MBP: variants seen among roughly 807,000 people sequenced by gnomAD.
MBP encodes myelin basic protein.
Under a neutral mutation model 35.8 loss-of-function variants are expected in MBP, and 16 were observed. That is an observed-to-expected ratio of 0.45 (90% CI 0.30 to 0.68). The LOEUF (loss-of-function observed/expected upper bound fraction) is 0.68, where lower values mean the gene tolerates loss of function less well. MBP is among the 30% of genes least tolerant of loss of function. MBP has a pLI of 0.08. For synonymous variants in MBP, 143 were observed against 159.6 expected, an observed-to-expected ratio of 0.90 and a Z score of 0.78; for missense variants, 380 against 404.7, an observed-to-expected ratio of 0.94 and a Z score of 0.52.
At chr18:77,043,280 G>A (rs470190) in intron 3 of MBP, among the ~76,000 whole-genome samples, 65,038 of 151,976 alleles carry the variant, frequency 0.43, 14,860 homozygotes, top group African/African-American at 0.59. Context: ...GAATAAGTTG[G>A]TAATTAAAAA....
intron 3 of MBP, among the ~76,000 whole-genome samples, chr18:77,064,866 T>C (rs1974129681): frequency 1.3e-5 from 2 of 152,216 alleles, no homozygotes; most frequent in African/African-American, 2.4e-5. Context: ...TCCTTCGACC[T>C]ATAGTGAGTT....
At chr18:77,011,387 T>C (rs1009307831) in intron 4 of MBP, among the ~76,000 whole-genome samples, 6 of 152,182 alleles carry the variant, frequency 3.9e-5, no homozygotes, top group African/African-American at 1.4e-4. Flanking sequence ...CGAAGAACTT[T>C]CCATTAATTT....
At chr18:77,009,861 G>T (rs868271128) in intron 4 of MBP, 1 of 1,590,128 alleles carries the variant, frequency 6.3e-7, no homozygotes, top group African/African-American at 1.3e-5. Context: ...TGTACATGTT[G>T]CACAGCCCAG....
rs974473886 is a variant in MBP, at chr18:77,117,030, T to C, written c.-25-11744A>G. ...GACCTGGTCTTTGGTTTCTTGATAC[T>C]TGAAGTCCTGGATTTCTTACGGAAA... On this transcript the variant is annotated intron_variant, in intron 1 of 8. Transcript: ENST00000355994. 6.6e-5 allele frequency among the ~76,000 whole-genome samples: 10 copies of C among 152,326 alleles called. 1 individual carries two copies. Among genetic ancestry groups the C allele is most frequent in the African/African-American group, 2.4e-4 (10 of 41,570 alleles).
In MBP at chr18:76,988,451, C is replaced by T. The variant is rs1969694484; in HGVS notation, c.750+44G>A. On this transcript the variant is annotated intron_variant, in intron 7 of 8. Transcript: ENST00000355994. The surrounding 1 kb of genome is among the most constrained non-coding windows in gnomAD (Gnocchi z 5.2). The stretch of plus-strand genomic sequence containing the variant: ...CACAAAAGTTGCGGGGCTGTGAGGA[C>T]TGGGACGGAAGAGGAAGCCGATGGA... The T allele has an allele frequency of 6.2e-7, 1 of 1,614,190 alleles. No homozygotes were observed. The highest frequency in any genetic ancestry group is 2.2e-5 in the East Asian group (1 of 44,888).
At chr18:76,995,364 G>A (rs1282376428) in intron 4 of MBP, among the ~76,000 whole-genome samples, 4 of 152,236 alleles carry the variant, frequency 2.6e-5, no homozygotes, top group South Asian at 2.1e-4. Context: ...GAAATCCGAG[G>A]GAGCAAAAAT....
At chr18:77,091,238 A>G (rs1008136093) in intron 2 of MBP, among the ~76,000 whole-genome samples, 1 of 152,166 alleles carries the variant, frequency 6.6e-6, no homozygotes, top group African/African-American at 2.4e-5. Context: ...AATTAGTATA[A>G]TTACAAAATT....
intron 4 of MBP, among the ~76,000 whole-genome samples, chr18:77,008,787 C>T (rs974681542): frequency 3.9e-5 from 6 of 152,234 alleles, no homozygotes; most frequent in African/African-American, 1.4e-4. Context: ...CCCTGGACAG[C>T]CAGGCACTAG....
chr18:77,012,996 G>A (rs1568288291), intron 4 of MBP: 5 of 985,368 alleles, frequency 5.1e-6, no homozygotes, highest in Non-Finnish European at 6.0e-6. Flanking sequence ...ATTAACTATC[G>A]TCTATTCATA....
At chr18:77,016,647 G>A (rs1047919840) in intron 4 of MBP, 185 bp downstream of exon 4, 47 of 1,418,562 alleles carry the variant, frequency 3.3e-5, no homozygotes, top group African/African-American at 1.6e-4. Flanking sequence ...TGAGTTAAAC[G>A]AAAACGTCCT....
At chr18:76,987,813 T>C in intron 7 of MBP, 1 of 1,040,502 alleles carries the variant, frequency 9.6e-7, no homozygotes, top group African/African-American at 1.7e-5. Context: ...AATATAATGA[T>C]TGGCATTTTA....
chr18:77,099,070 G>A (rs1975892770), intron 2 of MBP, among the ~76,000 whole-genome samples: 1 of 152,076 alleles, frequency 6.6e-6, no homozygotes. Context: ...GGGAGGGGGA[G>A]TGTGTGAAAC....
chr18:77,097,913 T>TA (rs140236492), intron 2 of MBP, among the ~76,000 whole-genome samples: 41,191 of 151,496 alleles, frequency 0.27, 7,057 homozygotes, highest in South Asian at 0.47. Flanking sequence ...AATCTTTTTT[T>TA]TAAAAAAATA....
At chr18:77,128,186 G>A (rs567845445) in intron 1 of MBP, among the ~76,000 whole-genome samples, 4 of 152,282 alleles carry the variant, frequency 2.6e-5, no homozygotes, top group South Asian at 4.1e-4. Flanking sequence ...TCCAGATGAC[G>A]GAACACCACT....
At chr18:76,986,097 G>A (rs1055148726) in intron 7 of MBP, 5 of 985,464 alleles carry the variant, frequency 5.1e-6, no homozygotes, top group Admixed American at 6.1e-5. Context: ...AATGGGGGGC[G>A]AAGTGTCCTC....
intron 3 of MBP, among the ~76,000 whole-genome samples, chr18:77,029,716 G>A (rs114718515): frequency 1.0e-3 from 158 of 152,092 alleles, no homozygotes; most frequent in African/African-American, 3.6e-3. Context: ...ATCTAGTTAG[G>A]TTTAAAGCCC....
intron 4 of MBP, among the ~76,000 whole-genome samples, chr18:76,994,565 GAA>G (rs967735027): frequency 1.5e-4 from 23 of 152,178 alleles, no homozygotes; most frequent in African/African-American, 5.3e-4. Context: ...AATGATAAAA[GAA>G]AAATGATATA....
chr18:77,003,391 T>A (rs1273217501), intron 4 of MBP: 1 of 152,228 alleles, frequency 6.6e-6, no homozygotes, highest in Admixed American at 6.5e-5. Flanking sequence ...GCAGTGGCCC[T>A]GAGAGTGAAG....
rs191149740 is a variant in MBP, at chr18:77,011,256, C to T, written c.576+5576G>A. ...GAGTATTCACTTTAGAGGAGGTCTC[C>T]GTGGATAAGCCTGCGGGAGTTGCTG... On this transcript the variant is annotated intron_variant, in intron 4 of 8. Transcript: ENST00000355994. 1.8e-3 allele frequency among the ~76,000 whole-genome samples: 280 copies of T among 152,196 alleles called. 1 individual carries two copies. Among genetic ancestry groups the T allele is most frequent in the African/African-American group, 6.2e-3 (257 of 41,492 alleles).
Sources: allele counts gnomAD v4.1 joint callset (sites outside exome capture counted in the v4.1 genomes callset), GRCh38; gene constraint gnomAD v4.1.1; non-coding constraint Gnocchi (gnomAD v3.1); transcripts MANE v1.5; gene names NCBI Gene and HGNC (gene_info 2026-07-23, HGNC 2026-07-21).